NRXN3: variants seen among roughly 807,000 people sequenced by gnomAD.
NRXN3 encodes the protein neurexin 3.
A neutral mutation model predicts 137.6 loss-of-function variants in NRXN3; 32 were observed. That is an observed-to-expected ratio of 0.23 (90% CI 0.18 to 0.31). The LOEUF (loss-of-function observed/expected upper bound fraction) is 0.31. Ranked by LOEUF, NRXN3 falls within the 10% of genes least tolerant of loss-of-function variation. The pLI is 1.00. For synonymous variants in NRXN3, 798 were observed against 784.5 expected (o/e 1.02, Z -0.29); for missense variants, 1,574 against 2,062.5 (o/e 0.76, Z 4.59).
chr14:78,955,793 A>G (rs374996241), intron 10 of NRXN3, among the ~76,000 whole-genome samples: 20 of 152,230 alleles, frequency 1.3e-4, no homozygotes, highest in African/African-American at 4.3e-4. Context: ...AATACTAATT[A>G]CTCAAAATTA....
chr14:79,305,107 TG>T (rs2085822736), intron 15 of NRXN3, among the ~76,000 whole-genome samples: 1 of 152,074 alleles, frequency 6.6e-6, no homozygotes, highest in Non-Finnish European at 1.5e-5. Flanking sequence ...CTAGTCTCTT[TG>T]TCATGTTCTT....
chr14:78,402,651 G>A (rs1048569967), intron 4 of NRXN3, among the ~76,000 whole-genome samples: 1 of 152,146 alleles, frequency 6.6e-6, no homozygotes, highest in African/African-American at 2.4e-5. Context: ...CTGAGCAGTT[G>A]AAGTCATTTG....
At chr14:79,687,403 G>T (rs1290531655) in intron 17 of NRXN3, among the ~76,000 whole-genome samples, 1 of 152,150 alleles carries the variant, frequency 6.6e-6, no homozygotes, top group African/African-American at 2.4e-5. Flanking sequence ...CTTAGAAAGT[G>T]TTCTTTGGGG....
chr14:79,667,025 TTC>T (rs1353539638), intron 17 of NRXN3, among the ~76,000 whole-genome samples: 2 of 152,004 alleles, frequency 1.3e-5, no homozygotes, highest in East Asian at 3.9e-4. Context: ...ATACCTTATT[TTC>T]TCTCCTCTCT....
intron 6 of NRXN3, among the ~76,000 whole-genome samples, chr14:78,687,371 AG>A (rs1272939186): frequency 2.6e-5 from 4 of 152,222 alleles, no homozygotes; most frequent in African/African-American, 9.6e-5. Flanking sequence ...ACTGCAACCC[AG>A]GGAGGAAACA....
At chr14:78,874,452 ATTTTCAACCC>A (rs1352422730) in intron 10 of NRXN3, among the ~76,000 whole-genome samples, 1 of 151,898 alleles carries the variant, frequency 6.6e-6, no homozygotes, top group African/African-American at 2.4e-5. Context: ...ATCAGGGAAA[ATTTTCAACCC>A]TTTTCATCAT....
At chr14:79,298,010 G>A (rs528179454) in intron 15 of NRXN3, among the ~76,000 whole-genome samples, 1 of 151,868 alleles carries the variant, frequency 6.6e-6, no homozygotes, top group African/African-American at 2.4e-5. Flanking sequence ...ACATTTCCCA[G>A]TCCATGTAGT....
At chr14:78,245,617 G>A (rs898908358) in intron 2 of NRXN3, among the ~76,000 whole-genome samples, 2 of 152,186 alleles carry the variant, frequency 1.3e-5, no homozygotes, top group African/African-American at 4.8e-5. Flanking sequence ...GCTATCAGTG[G>A]CTATTTAAGA....
At chr14:79,340,302 G>A (rs1712253850) in intron 15 of NRXN3, among the ~76,000 whole-genome samples, 1 of 151,882 alleles carries the variant, frequency 6.6e-6, no homozygotes, top group Non-Finnish European at 1.5e-5. Flanking sequence ...TATGACATAG[G>A]CTTTCAAAGA....
chr14:79,340,576 C>T (rs1424978826), intron 15 of NRXN3, among the ~76,000 whole-genome samples: 1 of 152,178 alleles, frequency 6.6e-6, no homozygotes, highest in East Asian at 1.9e-4. Context: ...AGGGATTCTC[C>T]TGCCTCAGCC....
At chr14:78,571,416 G>A (rs113436540) in intron 4 of NRXN3, among the ~76,000 whole-genome samples, 316 of 152,272 alleles carry the variant, frequency 2.1e-3, no homozygotes, top group African/African-American at 6.8e-3. Flanking sequence ...GGTTTTGGGC[G>A]CAGCTTTAGT....
At position 78,234,994 on chromosome 14, in the gene NRXN3, T is replaced by TTATATATATATATATATATATA. The variant is rs57469863; in HGVS notation, c.-703-7389_-703-7368dup. Among the ~76,000 whole-genome samples, 87 of 108,786 alleles carry TTATATATATATATATATATATA rather than the reference T, an allele frequency of 8.0e-4. 1 individual carries two copies. Among genetic ancestry groups the TTATATATATATATATATATATA allele is most frequent in the African/African-American group, 2.8e-3 (84 of 30,486 alleles). 71.4% of individuals were successfully genotyped at this position (108,786 alleles called of 152,430 possible). On this transcript the variant is annotated intron_variant, in intron 1 of 20. Coordinates refer to ENST00000335750, the MANE Select transcript of NRXN3 (RefSeq NM_001330195.2). Reference sequence around the variant, plus strand: ...GATTATCTGGCAGCCACAAATGCTTTTATATATATATATATATATATATAT... The same window carrying TTATATATATATATATATATATA: ...GATTATCTGGCAGCCACAAATGCTTTTATATATATATATATATATATATATATATATATATATATATATATAT...
At chr14:79,630,749 A>C (rs2098336528) in intron 16 of NRXN3, among the ~76,000 whole-genome samples, 1 of 152,196 alleles carries the variant, frequency 6.6e-6, no homozygotes, top group Admixed American at 6.5e-5. Context: ...TAGTCCTTCT[A>C]TAAATAAAAA....
chr14:78,587,316 T>C (rs2097074712), intron 4 of NRXN3, among the ~76,000 whole-genome samples: 1 of 152,212 alleles, frequency 6.6e-6, no homozygotes, highest in Admixed American at 6.5e-5. Context: ...CCAAGTGCCT[T>C]CTGTGGACAG....
chr14:78,954,823 G>A (rs181720507), intron 10 of NRXN3, among the ~76,000 whole-genome samples: 1 of 137,292 alleles, frequency 7.3e-6, no homozygotes, highest in Non-Finnish European at 1.5e-5. Flanking sequence ...ACATTCCAAA[G>A]TTTTACAGTC....
chr14:78,709,256 C>G lies in NRXN3; in HGVS notation c.1261C>G (p.Arg421Gly). ...TAATGACATCCGTCTGGAGCTGTCTCGCCTGGCCCGGATTGCGGACACCAA... is the reference window on the plus strand; with the variant it reads ...TAATGACATCCGTCTGGAGCTGTCTGGCCTGGCCCGGATTGCGGACACCAA... ...KNNDIRLELS[R>G]LARIADTKMK... The change falls in exon 7 of 21, where the codon CGC becomes GGC. Residue 421 changes from arginine to glycine, a missense_variant. This residue lies in a region of NRXN3 where 718 missense variants were observed against 887.6 expected (regional missense o/e 0.81). Transcript: ENST00000335750. 6.2e-7 allele frequency: 1 copy of G among 1,614,042 alleles called. No homozygotes were observed. The highest frequency in any genetic ancestry group is 1.1e-5 in the South Asian group (1 of 91,062).
chr14:78,671,879 A>G (rs920753304), intron 6 of NRXN3, among the ~76,000 whole-genome samples: 1 of 152,220 alleles, frequency 6.6e-6, no homozygotes, highest in Admixed American at 6.5e-5. Flanking sequence ...TTGAGACACC[A>G]AAGAATATTG....
At chr14:79,200,134 C>G (rs1469267808) in intron 15 of NRXN3, 1 of 152,154 alleles carries the variant, frequency 6.6e-6, no homozygotes, top group African/African-American at 2.4e-5. Context: ...GGAAAGTGGT[C>G]ATTTTCAGTT....
At chr14:79,345,825 G>A (rs1041416237) in intron 15 of NRXN3, among the ~76,000 whole-genome samples, 31 of 152,102 alleles carry the variant, frequency 2.0e-4, no homozygotes, top group African/African-American at 5.8e-4. Context: ...AGCAAATGTT[G>A]GCACATGCTT....
Sources: allele counts gnomAD v4.1 joint callset (sites outside exome capture counted in the v4.1 genomes callset), GRCh38; gene constraint gnomAD v4.1.1; regional missense constraint gnomAD v4.1.1; transcripts MANE v1.5; gene names NCBI Gene and HGNC (gene_info 2026-07-23, HGNC 2026-07-21).